The following FHAD1 variants were observed in gnomAD, a reference collection of about 807,000 sequenced individuals.
FHAD1 encodes forkhead associated phosphopeptide binding domain 1.
Under a neutral mutation model 191.3 loss-of-function variants are expected in FHAD1, and 146 were observed. The observed-to-expected ratio is 0.76, with a 90% confidence interval of 0.67 to 0.88. FHAD1 has a LOEUF of 0.88. FHAD1 is among the 40% of genes least tolerant of loss of function. The probability of loss-of-function intolerance (pLI) is 0.00; values close to 1 mark genes in which losing one functional copy is unlikely to be tolerated. For synonymous variants in FHAD1, 616 were observed against 672.3 expected, an observed-to-expected ratio of 0.92 and a Z score of 1.29; for missense variants, 1,635 against 1,785.8, an observed-to-expected ratio of 0.92 and a Z score of 1.52.
chr1:15,239,170 G>A (rs1189347964), intron 1 of FHAD1, among the ~76,000 whole-genome samples: 1 of 152,152 alleles, frequency 6.6e-6, no homozygotes, highest in Non-Finnish European at 1.5e-5. Context: ...GCCTCCCAAA[G>A]TGCTGGGATT....
chr1:15,369,379 A>G lies in FHAD1; in HGVS notation c.3324A>G (p.Gln1108=). Reference sequence around the variant, plus strand: ...CTCTTCTCTACCCTAGGGCTTCCCAAGAGAAACACAGACTCCAGCTGAACA... The same window carrying G: ...CTCTTCTCTACCCTAGGGCTTCCCAGGAGAAACACAGACTCCAGCTGAACA... ...KALEEALRAS[Q]EKHRLQLNTE... is the part of the protein sequence containing the mutation. The change falls in exon 26 of 34, where the codon CAA becomes CAG. Residue 1108 remains glutamine (Q), a synonymous_variant. Transcript: ENST00000688493. 1 of 1,552,064 alleles carries G rather than the reference A, an allele frequency of 6.4e-7. No individual in the cohort carries two copies. The highest frequency in any genetic ancestry group is 2.4e-5 in the East Asian group (1 of 40,922).
At position 15,350,097 on chromosome 1, in the gene FHAD1, ATTCGGT is replaced by A. The variant is rs538968773; in HGVS notation, c.2454+952_2454+957del. 3.9e-4 allele frequency among the ~76,000 whole-genome samples: 59 copies of A among 152,332 alleles called. 1 individual carries two copies. The highest frequency in any genetic ancestry group is 1.3e-3 in the African/African-American group (56 of 41,574). The stretch of plus-strand genomic sequence containing the variant: ...AGCTGATGGCTCAGTGAACGGTTCG[ATTCGGT>A]TTCATTCATCCGCCCATAAATATTC... On this transcript the variant is annotated intron_variant, in intron 19 of 33. Coordinates refer to ENST00000688493, the MANE Select transcript of FHAD1 (RefSeq NM_001391957.1).
chr1:15,379,586 C>A (rs182199665), intron 28 of FHAD1, among the ~76,000 whole-genome samples: 1 of 152,146 alleles, frequency 6.6e-6, no homozygotes, highest in African/African-American at 2.4e-5. Flanking sequence ...GGCTGGGGGA[C>A]GGTCAGGTCT....
chr1:15,385,389 A>G (rs1701886163), intron 31 of FHAD1, among the ~76,000 whole-genome samples: 1 of 152,096 alleles, frequency 6.6e-6, no homozygotes, highest in Non-Finnish European at 1.5e-5. Context: ...AAACGAAATT[A>G]CTCACCTTGA....
At chr1:15,390,203 G>A (rs866054844) in intron 32 of FHAD1, among the ~76,000 whole-genome samples, 6 of 151,880 alleles carry the variant, frequency 4.0e-5, no homozygotes, top group Non-Finnish European at 5.9e-5. Context: ...AAAATTAGCC[G>A]GGTGTGGTGG....
At chr1:15,320,326 C>T (rs1382483136) in intron 10 of FHAD1, among the ~76,000 whole-genome samples, 2 of 152,152 alleles carry the variant, frequency 1.3e-5, no homozygotes, top group Non-Finnish European at 2.9e-5. Flanking sequence ...ATCCTGCAGT[C>T]ATTGGGTTTA....
chr1:15,379,021 A>AG (rs1289650920), intron 28 of FHAD1, among the ~76,000 whole-genome samples: 9 of 152,136 alleles, frequency 5.9e-5, no homozygotes, highest in African/African-American at 9.7e-5. Flanking sequence ...TCTGAAGTGA[A>AG]GGGGTGGGTT....
At chr1:15,273,939 C>T (rs560901592) in intron 3 of FHAD1, among the ~76,000 whole-genome samples, 1 of 152,334 alleles carries the variant, frequency 6.6e-6, no homozygotes, top group South Asian at 2.1e-4. Flanking sequence ...GTTCTACTTC[C>T]TGTCTCTGTG....
At chr1:15,238,307 G>A (rs1223328530) in intron 1 of FHAD1, among the ~76,000 whole-genome samples, 1 of 151,036 alleles carries the variant, frequency 6.6e-6, no homozygotes, top group Non-Finnish European at 1.5e-5. Flanking sequence ...GCAGATGGCA[G>A]TGAGATGCTA....
Position 15,381,576 on chromosome 1 carries a change from C to T in FHAD1, c.4022+125C>T. The T allele has an allele frequency of 1.4e-6, 1 of 709,750 alleles. No individual in the cohort carries two copies. The highest frequency in any genetic ancestry group is 2.6e-5 in the Admixed American group (1 of 37,956). 44.0% of individuals were successfully genotyped at this position (709,750 alleles called of 1,614,324 possible). ...CAGAGACCCACGTGTGGAATACCTGCAATGTCAGAAGGGGACCAGGGAGGG... is the reference window on the plus strand; with the variant it reads ...CAGAGACCCACGTGTGGAATACCTGTAATGTCAGAAGGGGACCAGGGAGGG... On this transcript the variant is annotated intron_variant, in intron 30 of 33. Coordinates refer to ENST00000688493, the MANE Select transcript of FHAD1 (RefSeq NM_001391957.1). The surrounding 1 kb of genome is among the most constrained non-coding windows in gnomAD (Gnocchi z 4.6).
At chr1:15,270,271 T>G (rs749330145) in intron 2 of FHAD1, among the ~76,000 whole-genome samples, 30 of 152,212 alleles carry the variant, frequency 2.0e-4, no homozygotes, top group Admixed American at 4.6e-4. Flanking sequence ...GCAGTTAGTA[T>G]AGCTACTTCA....
chr1:15,402,082 C>CT (rs1308786771), downstream of FHAD1, among the ~76,000 whole-genome samples: 1 of 152,174 alleles, frequency 6.6e-6, no homozygotes, highest in Admixed American at 6.5e-5. Flanking sequence ...GAGGCAGAAA[C>CT]TTTATCTTCT....
chr1:15,342,359 C>T (rs1235385727), intron 16 of FHAD1, among the ~76,000 whole-genome samples: 4 of 152,196 alleles, frequency 2.6e-5, no homozygotes, highest in Non-Finnish European at 4.4e-5. Flanking sequence ...AAAACTCGAA[C>T]GTGCCCATGA....
At chr1:15,294,284 A>G (rs1167547541) in intron 4 of FHAD1, among the ~76,000 whole-genome samples, 1 of 152,180 alleles carries the variant, frequency 6.6e-6, no homozygotes, top group Non-Finnish European at 1.5e-5. Flanking sequence ...TTTCGATTTG[A>G]AAAATTCTAT....
At chr1:15,399,580 G>C (rs1706955123), downstream of FHAD1, among the ~76,000 whole-genome samples, 2 of 152,102 alleles carry the variant, frequency 1.3e-5, no homozygotes, top group South Asian at 4.2e-4. Flanking sequence ...AAAAAATAAA[G>C]TCAGTAAGAA....
chr1:15,395,906 T>A (rs1705798686), intron 33 of FHAD1, among the ~76,000 whole-genome samples: 1 of 152,198 alleles, frequency 6.6e-6, no homozygotes, highest in Non-Finnish European at 1.5e-5. Flanking sequence ...GGACACCCAG[T>A]TCTAAGCCAT....
Position 15,271,138 on chromosome 1 carries a change from CGGAAAA to C in FHAD1, c.94-1184_94-1179del, listed in dbSNP as rs1190570131. Reference sequence around the variant, plus strand: ...TGGGCAACAGAGCGAGACTCCATCTCGGAAAAAAAAAAAAAAAAAAAAAAATTAGCT... The same window carrying C: ...TGGGCAACAGAGCGAGACTCCATCTCAAAAAAAAAAAAAAAAAAATTAGCT... On this transcript the variant is annotated intron_variant, in intron 2 of 33. Coordinates refer to ENST00000688493, the MANE Select transcript of FHAD1 (RefSeq NM_001391957.1). Among the ~76,000 whole-genome samples the C allele has an allele frequency of 3.5e-3, 237 of 67,564 alleles. 3 individuals carry two copies. Among genetic ancestry groups the C allele is most frequent in the African/African-American group, 0.014 (219 of 15,142 alleles). 44.3% of individuals were successfully genotyped at this position (67,564 alleles called of 152,430 possible).
rs1672701840 is a variant in FHAD1 at position 15,312,811 on chromosome 1, A to G, written c.1040-246A>G. 6.6e-6 allele frequency among the ~76,000 whole-genome samples: 1 copy of G among 152,154 alleles called. No individual in the cohort carries two copies. Among genetic ancestry groups the G allele is most frequent in the Non-Finnish European group, 1.5e-5 (1 of 68,034 alleles). On this transcript the variant is annotated intron_variant, in intron 7 of 33. Coordinates refer to ENST00000688493, the MANE Select transcript of FHAD1 (RefSeq NM_001391957.1). The surrounding 1 kb of genome is among the most constrained non-coding windows in gnomAD (Gnocchi z 4.7). ...GAGCCTTTGTTCCCAGGCAGGGCCG[A>G]TGCCCACAGCACCCCGACAGATGTT...
chr1:15,393,881 C>T (rs1705057986), intron 33 of FHAD1, among the ~76,000 whole-genome samples: 1 of 152,060 alleles, frequency 6.6e-6, no homozygotes, highest in Non-Finnish European at 1.5e-5. Context: ...GGGACGTCTT[C>T]ACTCCCAGTC....
Sources: allele counts gnomAD v4.1 joint callset (sites outside exome capture counted in the v4.1 genomes callset), GRCh38; gene constraint gnomAD v4.1.1; non-coding constraint Gnocchi (gnomAD v3.1); transcripts MANE v1.5; gene names NCBI Gene and HGNC (gene_info 2026-07-23, HGNC 2026-07-21).